The following UNC79 variants were observed in gnomAD, a reference collection of about 807,000 sequenced individuals.
The protein encoded by UNC79 is unc-79 subunit of NALCN channel complex, also known as protein unc-79 homolog.
A neutral mutation model predicts 283.1 loss-of-function variants in UNC79; 37 were observed. The ratio of observed to expected loss-of-function variants is 0.13; its 90% CI spans 0.10 to 0.17. The LOEUF (loss-of-function observed/expected upper bound fraction) is 0.17. UNC79 is among the 10% of genes least tolerant of loss of function. The pLI is 1.00. For synonymous variants in UNC79, 1,107 were observed against 1,200.2 expected, an observed-to-expected ratio of 0.92 and a Z score of 1.61; for missense variants, 2,272 against 3,211.1, an observed-to-expected ratio of 0.71 and a Z score of 7.07.
intron 2 of UNC79, 139 bp downstream of exon 2, chr14:93,467,930 A>G: frequency 8.8e-7 from 1 of 1,132,434 alleles, no homozygotes; most frequent in Non-Finnish European, 1.1e-6. Flanking sequence ...TCTGTGCTCA[A>G]GTTCTCTGGG....
chr14:93,426,787 G>A (rs1805917343), upstream of UNC79, among the ~76,000 whole-genome samples: 1 of 151,848 alleles, frequency 6.6e-6, no homozygotes, highest in African/African-American at 2.4e-5. Flanking sequence ...TCACTGCACT[G>A]AGCAGACTTA....
At chr14:93,652,564 C>CT (rs1322655393) in intron 35 of UNC79, among the ~76,000 whole-genome samples, 1 of 152,180 alleles carries the variant, frequency 6.6e-6, no homozygotes, top group Non-Finnish European at 1.5e-5. Flanking sequence ...CTGGCCCAGT[C>CT]TGAGTTTTTG....
intron 22 of UNC79, among the ~76,000 whole-genome samples, chr14:93,592,429 C>T (rs945576303): frequency 3.3e-5 from 5 of 152,138 alleles, no homozygotes; most frequent in African/African-American, 1.2e-4. Flanking sequence ...CTGCCTCAGC[C>T]TCCCAAAGTG....
chr14:93,571,045 C>T (rs1257042626), intron 14 of UNC79, among the ~76,000 whole-genome samples: 1 of 152,022 alleles, frequency 6.6e-6, no homozygotes, highest in Non-Finnish European at 1.5e-5. Flanking sequence ...GGATTTTGGT[C>T]AATATGGCAC....
At chr14:93,633,011 C>T (rs1447860350) in intron 31 of UNC79, among the ~76,000 whole-genome samples, 1 of 152,038 alleles carries the variant, frequency 6.6e-6, no homozygotes, top group Non-Finnish European at 1.5e-5. Flanking sequence ...ATTCTGCTGT[C>T]TTTGAAAACA....
intron 1 of UNC79, among the ~76,000 whole-genome samples, chr14:93,457,344 G>A (rs1355717440): frequency 1.3e-5 from 2 of 152,238 alleles, no homozygotes; most frequent in African/African-American, 4.8e-5. Flanking sequence ...CATGATAGAA[G>A]GAAGTCCCGT....
At chr14:93,702,901 C>G (rs773283844) in intron 47 of UNC79, among the ~76,000 whole-genome samples, 1 of 152,234 alleles carries the variant, frequency 6.6e-6, no homozygotes, top group Non-Finnish European at 1.5e-5. Flanking sequence ...TTCCCTGCCT[C>G]CTTCTTCACC....
At chr14:93,340,722 C>T (rs932738322) in intron 1 of UNC79, among the ~76,000 whole-genome samples, 2 of 152,002 alleles carry the variant, frequency 1.3e-5, no homozygotes, top group African/African-American at 4.8e-5. Flanking sequence ...CAGATGTGCA[C>T]CACCATACCT....
At chr14:93,603,348 G>A (rs2065650436) in exon 26 of UNC79, 1 of 1,613,974 alleles carries the variant, frequency 6.2e-7, no homozygotes, top group Admixed American at 1.7e-5. Flanking sequence ...GTTCCCTGAG[G>A]GACAGCGTGA....
chr14:93,664,655 T>C (rs575607509), intron 40 of UNC79, among the ~76,000 whole-genome samples: 1 of 152,322 alleles, frequency 6.6e-6, no homozygotes, highest in East Asian at 1.9e-4. Flanking sequence ...GTTTGGGAAC[T>C]GGGAGAAAGA....
intron 35 of UNC79, among the ~76,000 whole-genome samples, chr14:93,652,782 G>A (rs908562394): frequency 6.6e-6 from 1 of 151,872 alleles, no homozygotes. Flanking sequence ...GACGACTATG[G>A]GTCTGTCTGT....
intron 1 of UNC79, among the ~76,000 whole-genome samples, chr14:93,439,896 A>G (rs1310052003): frequency 6.6e-6 from 1 of 152,142 alleles, no homozygotes; most frequent in African/African-American, 2.4e-5. Flanking sequence ...AATTATGCAA[A>G]TGACTATCTT....
At chr14:93,446,400 T>C (rs1200994562) in intron 1 of UNC79, among the ~76,000 whole-genome samples, 2 of 151,640 alleles carry the variant, frequency 1.3e-5, no homozygotes, top group East Asian at 1.9e-4. Flanking sequence ...TGTGGTTTTT[T>C]TTTTTTTTGG....
chr14:93,642,613 C>T (rs752226143), intron 33 of UNC79, among the ~76,000 whole-genome samples: 14 of 152,056 alleles, frequency 9.2e-5, no homozygotes, highest in Non-Finnish European at 1.9e-4. Context: ...AGGGCTCTCT[C>T]CAGCTCTTCC....
At chr14:93,440,774 G>A (rs1186536840) in intron 1 of UNC79, among the ~76,000 whole-genome samples, 3 of 151,918 alleles carry the variant, frequency 2.0e-5, no homozygotes, top group Non-Finnish European at 2.9e-5. Context: ...TAATTTTATT[G>A]CCTTATGGTC....
rs548272641 is a variant in UNC79, at chr14:93,341,071, G to A, written c.-351+7548G>A. 3.9e-4 allele frequency among the ~76,000 whole-genome samples: 59 copies of A among 152,258 alleles called. 1 individual carries two copies. The South Asian group carries it at 0.012, about 30-fold the overall frequency. On this transcript the variant is annotated intron_variant, in intron 1 of 49. Transcript: ENST00000256339. Reference sequence around the variant, plus strand: ...ACCTTTGATCTTTTGGACCCCAACTGCCAATCTTTTCATGTCAGTATAACA... The same window carrying A: ...ACCTTTGATCTTTTGGACCCCAACTACCAATCTTTTCATGTCAGTATAACA...
At position 93,593,667 on chromosome 14, in the gene UNC79, C is replaced by T; in HGVS notation, c.3033-13C>T. On this transcript the variant is annotated splice_polypyrimidine_tract_variant and intron_variant, in intron 22 of 48. Transcript: ENST00000555664. Reference sequence around the variant, plus strand: ...GATAACTGTCACCACTTTGCTTCTCCTTGATTCCCTAGCCTGTGGAGGGTC... The same window carrying T: ...GATAACTGTCACCACTTTGCTTCTCTTTGATTCCCTAGCCTGTGGAGGGTC... The T allele has an allele frequency of 6.2e-7, 1 of 1,600,352 alleles. No homozygotes were observed. The highest frequency in any genetic ancestry group is 8.5e-7 in the Non-Finnish European group (1 of 1,175,372).
At chr14:93,420,577 T>C (rs1271671646) in intron 1 of UNC79, among the ~76,000 whole-genome samples, 1 of 151,776 alleles carries the variant, frequency 6.6e-6, no homozygotes, top group East Asian at 1.9e-4. Context: ...AAAGAAACAC[T>C]GGACTTAATC....
At chr14:93,452,107 T>C (rs1316411905) in intron 1 of UNC79, among the ~76,000 whole-genome samples, 1 of 152,216 alleles carries the variant, frequency 6.6e-6, no homozygotes, top group Non-Finnish European at 1.5e-5. Context: ...TTATCTCTTC[T>C]GAAAAGTCTT....
Sources: allele counts gnomAD v4.1 joint callset (sites outside exome capture counted in the v4.1 genomes callset), GRCh38; gene constraint gnomAD v4.1.1; transcripts MANE v1.5; gene names NCBI Gene and HGNC (gene_info 2026-07-23, HGNC 2026-07-21).